NFIC: variants seen among roughly 807,000 people sequenced by gnomAD.
NFIC encodes nuclear factor 1 C-type.
Under a neutral mutation model 54.4 loss-of-function variants are expected in NFIC, and 12 were observed. That is an observed-to-expected ratio of 0.22 (90% confidence interval 0.14 to 0.36). NFIC has a LOEUF of 0.36. Ranked by LOEUF, NFIC falls within the 10% of genes least tolerant of loss-of-function variation. The pLI is 1.00. For synonymous variants in NFIC, 322 were observed against 319.2 expected, an observed-to-expected ratio of 1.01 and a Z score of -0.09; for missense variants, 575 against 718.2, an observed-to-expected ratio of 0.80 and a Z score of 2.28.
At chr19:3,404,117 C>G (rs928730029) in intron 2 of NFIC, among the ~76,000 whole-genome samples, 3 of 151,794 alleles carry the variant, frequency 2.0e-5, no homozygotes, top group Non-Finnish European at 4.4e-5. Flanking sequence ...TCCCAGGGCT[C>G]CCCCCGAGGC....
chr19:3,396,189 G>A (rs1048390229), intron 2 of NFIC, among the ~76,000 whole-genome samples: 1 of 152,064 alleles, frequency 6.6e-6, no homozygotes, highest in Non-Finnish European at 1.5e-5. Flanking sequence ...GTGTGTTTCC[G>A]GGCCGGGCGC....
At chr19:3,374,088 A>G (rs1257548356) in intron 1 of NFIC, among the ~76,000 whole-genome samples, 3 of 152,200 alleles carry the variant, frequency 2.0e-5, no homozygotes, top group Non-Finnish European at 4.4e-5. Flanking sequence ...GTAATGAGCT[A>G]GATTCTCATG....
At chr19:3,389,748 C>T (rs1208200033) in intron 2 of NFIC, among the ~76,000 whole-genome samples, 1 of 152,124 alleles carries the variant, frequency 6.6e-6, no homozygotes, top group Non-Finnish European at 1.5e-5. Flanking sequence ...TCTGGGAGGC[C>T]CAGGCGGGTG....
rs535873118 is a variant in NFIC, at chr19:3,462,253, A to G, written c.1510-499A>G. Among the ~76,000 whole-genome samples, 35 of 128,496 alleles carry G rather than the reference A, an allele frequency of 2.7e-4. No individual in the cohort carries two copies. The East Asian group carries it at 8.2e-3, about 30-fold the overall frequency. 84.3% of individuals were successfully genotyped at this position (128,496 alleles called of 152,430 possible). On this transcript the variant is annotated intron_variant, in intron 10 of 10. Coordinates refer to ENST00000443272, the MANE Select transcript of NFIC (RefSeq NM_001245002.2). ...AAAAATTATCCAGGTGTGGCGGTGG[A>G]CGCCTGTAATCCCAGCTACTCGGGA...
intron 9 of NFIC, among the ~76,000 whole-genome samples, chr19:3,454,822 C>T (rs1171017355): frequency 6.6e-6 from 1 of 152,034 alleles, no homozygotes; most frequent in Non-Finnish European, 1.5e-5. Flanking sequence ...CCCTCAGCTC[C>T]TCTTCTCCCT....
rs1440681351 is a variant in NFIC, at chr19:3,467,171, C to A, written c.*4402C>A. ...CTTGTTCCACCCCCCTCTGGAAGCC[C>A]CCATCACCCACCCCTGCTATGGACA... is the stretch of plus-strand genomic sequence containing the variant. On this transcript the variant is annotated 3_prime_UTR_variant, in exon 11 of 11. Transcript: ENST00000443272. 6.7e-6 allele frequency: 1 copy of A among 149,070 alleles called. No homozygotes were observed. Among genetic ancestry groups the A allele is most frequent in the Non-Finnish European group, 1.5e-5 (1 of 67,308 alleles). 9.2% of individuals were successfully genotyped at this position (149,070 alleles called of 1,614,324 possible).
At chr19:3,421,232 A>G (rs911689771) in intron 2 of NFIC, among the ~76,000 whole-genome samples, 9 of 152,322 alleles carry the variant, frequency 5.9e-5, no homozygotes, top group African/African-American at 1.4e-4. Flanking sequence ...TCCCAGGGAA[A>G]CACCCGGATG....
chr19:3,440,423 G>A (rs1264290826), intron 6 of NFIC, among the ~76,000 whole-genome samples: 3 of 151,306 alleles, frequency 2.0e-5, no homozygotes, highest in Admixed American at 1.3e-4. Context: ...CCCCTGGTCT[G>A]GGCCACTCTT....
intron 6 of NFIC, among the ~76,000 whole-genome samples, chr19:3,444,179 T>TACAG (rs554702500): frequency 3.6e-5 from 4 of 111,682 alleles, no homozygotes; most frequent in Non-Finnish European, 5.8e-5. Context: ...TTTTGTCAAA[T>TACAG]AGAGGAGGTC....
At chr19:3,402,963 T>G (rs905430219) in intron 2 of NFIC, among the ~76,000 whole-genome samples, 3 of 152,066 alleles carry the variant, frequency 2.0e-5, no homozygotes, top group African/African-American at 7.2e-5. Flanking sequence ...CTTTGACTAC[T>G]CCCCCAAATC....
intron 6 of NFIC, among the ~76,000 whole-genome samples, chr19:3,444,995 GCATT>G (rs940713892): frequency 2.0e-5 from 3 of 151,922 alleles, no homozygotes; most frequent in African/African-American, 7.3e-5. Flanking sequence ...ACGCATGTGC[GCATT>G]CACACACATA....
chr19:3,367,925 T>G (rs1011792996), intron 1 of NFIC, among the ~76,000 whole-genome samples: 1 of 151,926 alleles, frequency 6.6e-6, no homozygotes, highest in African/African-American at 2.4e-5. Context: ...CTTGGTAGGG[T>G]CTTTCTCACC....
intron 6 of NFIC, among the ~76,000 whole-genome samples, chr19:3,443,583 C>T (rs1026749408): frequency 4.6e-5 from 7 of 152,090 alleles, no homozygotes; most frequent in Non-Finnish European, 7.4e-5. Context: ...TGTGCAGCCT[C>T]CTGGGACCTC....
chr19:3,363,667 C>G (rs967552240), upstream of NFIC, among the ~76,000 whole-genome samples: 8 of 152,032 alleles, frequency 5.3e-5, no homozygotes, highest in African/African-American at 1.9e-4. Context: ...TCTTTAAAAC[C>G]CTAAATGAGA....
chr19:3,360,154 C>T (rs2080791589), intron 1 of NFIC, among the ~76,000 whole-genome samples: 1 of 145,546 alleles, frequency 6.9e-6, no homozygotes, highest in South Asian at 2.1e-4. Flanking sequence ...GCGGGGTGCC[C>T]CGGCCCGGGC....
intron 6 of NFIC, among the ~76,000 whole-genome samples, chr19:3,445,409 G>A (rs2082360739): frequency 6.6e-6 from 1 of 152,218 alleles, no homozygotes; most frequent in South Asian, 2.1e-4. Flanking sequence ...CAGCCTCGAT[G>A]TCCGAGGCCT....
At chr19:3,446,328 C>T (rs902544437) in intron 6 of NFIC, among the ~76,000 whole-genome samples, 2 of 152,108 alleles carry the variant, frequency 1.3e-5, no homozygotes, top group Non-Finnish European at 2.9e-5. Context: ...CTCACCCACA[C>T]GTGATTCTTG....
intron 9 of NFIC, among the ~76,000 whole-genome samples, chr19:3,454,605 T>C (rs1240155153): frequency 6.6e-6 from 1 of 151,970 alleles, no homozygotes; most frequent in Non-Finnish European, 1.5e-5. Flanking sequence ...GCAGTGGCTC[T>C]ACCCCCAGAC....
chr19:3,453,233 T>C lies in NFIC; in HGVS notation c.1270-530T>C, dbSNP rs969618071. Among the ~76,000 whole-genome samples, 1 of 151,974 alleles carries C rather than the reference T, an allele frequency of 6.6e-6. No homozygotes were observed. Among genetic ancestry groups the C allele is most frequent in the African/African-American group, 2.4e-5 (1 of 41,366 alleles). ...CAGCCTGGGTGACAGAACGAGACCC[T>C]GTCTCAAAAAGAAAAAAAAGGTTGG... is the stretch of plus-strand genomic sequence containing the variant. On this transcript the variant is annotated intron_variant, in intron 8 of 10. Transcript: ENST00000443272. The surrounding 1 kb of genome is among the most constrained non-coding windows in gnomAD (Gnocchi z 6.7).
Sources: gnomAD v4.1 joint callset for allele counts (sites outside exome capture counted in the v4.1 genomes callset) on GRCh38, gnomAD v4.1.1 for gene constraint, Gnocchi (gnomAD v3.1) non-coding constraint, MANE v1.5 for transcripts, NCBI Gene and HGNC (gene_info 2026-07-23, HGNC 2026-07-21) for gene names.